The following ACTL6A variants were observed in gnomAD, a reference collection of about 807,000 sequenced individuals.
ACTL6A encodes actin like 6A.
ACTL6A carries 5 observed loss-of-function variants against 59.2 expected under a neutral mutation model. The ratio of observed to expected loss-of-function variants is 0.08; its 90% confidence interval spans 0.04 to 0.18. ACTL6A has a LOEUF of 0.18. Among genes scored for constraint, ACTL6A ranks in the 10% least tolerant of loss-of-function variants. The probability of loss-of-function intolerance (pLI) is 1.00; values close to 1 mark genes in which losing one functional copy is unlikely to be tolerated. For synonymous variants in ACTL6A, 154 were observed against 171.8 expected (o/e 0.90, Z 0.81); for missense variants, 285 against 526.9 (o/e 0.54, Z 4.49).
chr3:179,563,161 G>A (rs768788801), intron 1 of ACTL6A, 44 bp downstream of exon 1: 8 of 1,587,306 alleles, frequency 5.0e-6, no homozygotes, highest in Non-Finnish European at 6.9e-6. Context: ...TTTTCGGCGT[G>A]TGGGGTTTGT....
intron 1 of ACTL6A, among the ~76,000 whole-genome samples, chr3:179,564,675 C>T (rs1245114094): frequency 1.3e-5 from 2 of 152,148 alleles, no homozygotes; most frequent in Admixed American, 6.5e-5. Context: ...GTTTACTAAA[C>T]TAATTAGGAC....
chr3:179,578,847 C>A (rs146339769), intron 8 of ACTL6A, among the ~76,000 whole-genome samples: 2 of 152,096 alleles, frequency 1.3e-5, no homozygotes, highest in African/African-American at 4.8e-5. Flanking sequence ...CTCACTGCAA[C>A]CTCCATCTCC....
intron 8 of ACTL6A, among the ~76,000 whole-genome samples, chr3:179,579,500 CAG>C (rs1290087604): frequency 7.5e-6 from 1 of 133,438 alleles, no homozygotes. Flanking sequence ...ATTTTAAAGA[CAG>C]GGTTGGCTGG....
At chr3:179,582,733 T>G (rs1368819353) in intron 11 of ACTL6A, among the ~76,000 whole-genome samples, 1 of 152,192 alleles carries the variant, frequency 6.6e-6, no homozygotes, top group Non-Finnish European at 1.5e-5. Context: ...TCAAAATATT[T>G]GTAATTTTAA....
At chr3:179,579,455 TACACACACACACAC>T (rs10650822) in intron 8 of ACTL6A, among the ~76,000 whole-genome samples, 45 of 145,148 alleles carry the variant, frequency 3.1e-4, no homozygotes, top group African/African-American at 7.2e-4. Context: ...TTATATCATA[TACACACACACACAC>T]ACACACACAC....
chr3:179,581,034 C>T (rs1718323854), intron 10 of ACTL6A, 26 bp downstream of exon 10: 18 of 1,593,090 alleles, frequency 1.1e-5, no homozygotes, highest in Non-Finnish European at 1.5e-5. Context: ...TCATAATTAG[C>T]CTGGCTTTTC....
intron 1 of ACTL6A, among the ~76,000 whole-genome samples, chr3:179,568,482 G>A (rs1305749029): frequency 1.3e-5 from 2 of 150,188 alleles, no homozygotes; most frequent in African/African-American, 4.9e-5. Flanking sequence ...TGTAACCACT[G>A]AACTGAAGTT....
intron 5 of ACTL6A, chr3:179,574,693 C>T (rs989570970): frequency 5.2e-6 from 2 of 385,718 alleles, no homozygotes; most frequent in African/African-American, 2.1e-5. Context: ...AGTGTTAAGA[C>T]GTTTTTGTTT....
rs1017630187 is a variant in ACTL6A at position 179,562,958 on chromosome 3, C to T, written c.-135C>T. 9.2e-6 allele frequency: 11 copies of T among 1,199,710 alleles called. No homozygotes were observed. The highest frequency in any genetic ancestry group is 1.3e-5 in the South Asian group (1 of 77,006). The allele number at this position is 1,199,710 out of a possible 1,614,324, so 74.3% of individuals were successfully genotyped here. A position where few individuals can be genotyped will look rare whatever the true frequency, so the allele number is the denominator to read the frequency against. ...GCTGAGCTCCGGGGTGTGTGGACGCCGCTTTGTTGCCTGAGGTGGGTGGCG... is the reference window on the plus strand; with the variant it reads ...GCTGAGCTCCGGGGTGTGTGGACGCTGCTTTGTTGCCTGAGGTGGGTGGCG... On this transcript the variant is annotated 5_prime_UTR_variant, in exon 1 of 14. Coordinates refer to ENST00000429709, the MANE Select transcript of ACTL6A (RefSeq NM_004301.5).
Position 179,570,281 on chromosome 3 carries a change from A to G in ACTL6A, c.277+40A>G, listed in dbSNP as rs1399892091. 6.6e-7 allele frequency: 1 copy of G among 1,513,300 alleles called. No individual in the cohort carries two copies. The highest frequency in any genetic ancestry group is 1.4e-5 in the African/African-American group (1 of 71,696). The allele number at this position is 1,513,300 out of a possible 1,614,324, so 93.7% of individuals were successfully genotyped here. On this transcript the variant is annotated intron_variant, in intron 3 of 13. Coordinates refer to ENST00000429709, the MANE Select transcript of ACTL6A (RefSeq NM_004301.5). The surrounding 1 kb of genome is among the most constrained non-coding windows in gnomAD (Gnocchi z 4.3). ...CCATGGAATTGATTATGGAGTGTACATGTTATATTTTAGATACAAAGTAGT... is the reference window on the plus strand; with the variant it reads ...CCATGGAATTGATTATGGAGTGTACGTGTTATATTTTAGATACAAAGTAGT...
chr3:179,568,425 A>T (rs1717903427), intron 1 of ACTL6A, among the ~76,000 whole-genome samples: 1 of 152,160 alleles, frequency 6.6e-6, no homozygotes, highest in Non-Finnish European at 1.5e-5. Flanking sequence ...TTTTAAGAAT[A>T]AAAATGTTAT....
At chr3:179,568,588 T>C (rs1467833354) in intron 1 of ACTL6A, among the ~76,000 whole-genome samples, 1 of 152,006 alleles carries the variant, frequency 6.6e-6, no homozygotes, top group Non-Finnish European at 1.5e-5. Flanking sequence ...TGTATACATA[T>C]GGTTTTTTGA....
intron 1 of ACTL6A, 177 bp downstream of exon 1, chr3:179,563,294 C>G: frequency 9.1e-7 from 1 of 1,093,616 alleles, no homozygotes; most frequent in Non-Finnish European, 1.3e-6. Context: ...ACCCGGCTCG[C>G]CGTGCTCCTC....
chr3:179,586,486 A>AAAT, intron 12 of ACTL6A, 60 bp from the exon 13 acceptor site: 2 of 1,210,720 alleles, frequency 1.7e-6, no homozygotes, highest in Non-Finnish European at 2.3e-6. Context: ...AAAAAAAAAA[A>AAAT]GAATTTTCTA....
At chr3:179,566,101 A>G (rs891727784) in intron 1 of ACTL6A, among the ~76,000 whole-genome samples, 1 of 152,106 alleles carries the variant, frequency 6.6e-6, no homozygotes, top group African/African-American at 2.4e-5. Flanking sequence ...ACTGGTGGTC[A>G]GCAATGTGTT....
In ACTL6A at chr3:179,570,239, T is replaced by C. The variant is rs376555270; in HGVS notation, c.275T>C (p.Met92Thr). The C allele has an allele frequency of 3.6e-5, 58 of 1,611,214 alleles. No individual in the cohort carries two copies. In the African/African-American group the frequency reaches 7.1e-4, roughly 20 times the overall value. The change falls in exon 3 of 14, where the codon ATG (methionine) becomes ACG (threonine). Residue 92 changes from methionine (M) to threonine (T), a missense_variant and splice_region_variant. By Grantham distance (81) the Met-to-Thr change is moderately conservative. Transcript: ENST00000429709. The surrounding 1 kb of genome is among the most constrained non-coding windows in gnomAD (Gnocchi z 4.3). ...MEAISPLKNG[M>T]VEDWDSFQAI... ...GCCATTTCACCTCTAAAAAATGGGA[T>C]GGGTATGATGTTTTCCCCATGGAAT... is the stretch of plus-strand genomic sequence containing the variant.
intron 9 of ACTL6A, 71 bp downstream of exon 9, chr3:179,580,772 T>C: frequency 7.2e-7 from 1 of 1,398,390 alleles, no homozygotes; most frequent in East Asian, 2.4e-5. Flanking sequence ...CTTAATTGAA[T>C]AATGTTTAAA....
At chr3:179,572,718 T>C (rs1718047564) in intron 3 of ACTL6A, among the ~76,000 whole-genome samples, 1 of 151,934 alleles carries the variant, frequency 6.6e-6, no homozygotes, top group Non-Finnish European at 1.5e-5. Flanking sequence ...GGGAGGAGAA[T>C]TGCTTGACCC....
intron 8 of ACTL6A, 90 bp from the exon 9 acceptor site, chr3:179,580,550 A>G (rs1718305610): frequency 2.2e-6 from 2 of 928,594 alleles, no homozygotes; most frequent in African/African-American, 3.4e-5. Context: ...GTCCAATTTC[A>G]TTCAGAAAAG....
Sources: gnomAD v4.1 joint callset for allele counts (sites outside exome capture counted in the v4.1 genomes callset) on GRCh38, gnomAD v4.1.1 for gene constraint, Gnocchi (gnomAD v3.1) non-coding constraint, MANE v1.5 for transcripts, NCBI Gene and HGNC (gene_info 2026-07-23, HGNC 2026-07-21) for gene names.